IRS2: variants seen among roughly 807,000 people sequenced by gnomAD.
The protein encoded by IRS2 is insulin receptor substrate 2.
A neutral mutation model predicts 70.9 loss-of-function variants in IRS2; 28 were observed. The observed-to-expected ratio is 0.39, with a 90% CI of 0.29 to 0.54. IRS2 has a LOEUF of 0.54. Among genes scored for constraint, IRS2 ranks in the 20% least tolerant of loss-of-function variants. The pLI, the probability that IRS2 is intolerant of heterozygous loss-of-function variation, is 0.59. For synonymous variants in IRS2, 1,217 were observed against 981.9 expected, an observed-to-expected ratio of 1.24 and a Z score of -4.48; for missense variants, 2,081 against 2,024.1, an observed-to-expected ratio of 1.03 and a Z score of -0.54.
Position 109,782,949 on chromosome 13 carries a change from C to T in IRS2, c.3105G>A (p.Pro1035=), listed in dbSNP as rs1377446649. The change falls in exon 1 of 2, where the codon CCG becomes CCA. Residue 1035 remains proline (P), a synonymous_variant. Coordinates refer to ENST00000375856, the MANE Select transcript of IRS2 (RefSeq NM_003749.3). Reference sequence around the variant, plus strand: ...GGCGGTACAGCTCCCCCGGGGCCGGCGGCGGTGGCGGCGGCTGCAGAGACG... The same window carrying T: ...GGCGGTACAGCTCCCCCGGGGCCGGTGGCGGTGGCGGCGGCTGCAGAGACG... ...PSSSLQPPPP[P]PAPGELYRLP... 9.8e-6 allele frequency: 14 copies of T among 1,432,542 alleles called. No homozygotes were observed. The highest frequency in any genetic ancestry group is 5.6e-5 in the East Asian group (2 of 35,424). The allele number at this position is 1,432,542 out of a possible 1,614,324, so 88.7% of individuals were successfully genotyped here.
chr13:109,786,505 G>C lies in IRS2; in HGVS notation c.-452C>G, dbSNP rs1301215037. 2 of 153,942 alleles carry C rather than the reference G, an allele frequency of 1.3e-5. No homozygotes were observed. The highest frequency in any genetic ancestry group is 4.9e-5 in the African/African-American group (2 of 41,058). 9.5% of individuals were successfully genotyped at this position (153,942 alleles called of 1,614,324 possible). ...CGGGGTCCGCGCCGCCGCCGGGGCT[G>C]CTGCTGCTGCTGGTGTTGCTGCTGC... is the stretch of plus-strand genomic sequence containing the variant. On this transcript the variant is annotated 5_prime_UTR_variant, in exon 1 of 2. Coordinates refer to ENST00000375856, the MANE Select transcript of IRS2 (RefSeq NM_003749.3). The surrounding 1 kb of genome is among the most constrained non-coding windows in gnomAD (Gnocchi z 4.4).
At chr13:109,772,759 G>T (rs570421016) in intron 1 of IRS2, among the ~76,000 whole-genome samples, 1 of 149,950 alleles carries the variant, frequency 6.7e-6, no homozygotes, top group East Asian at 2.0e-4. Context: ...GCAGTGGCGC[G>T]ATCTCGGCTC....
At chr13:109,764,792 C>T (rs1594380899) in intron 1 of IRS2, among the ~76,000 whole-genome samples, 1 of 152,264 alleles carries the variant, frequency 6.6e-6, no homozygotes, top group South Asian at 2.1e-4. Context: ...ACCACAACTG[C>T]AAGCAGCAAA....
chr13:109,772,056 C>T (rs1877463030), intron 1 of IRS2, among the ~76,000 whole-genome samples: 1 of 152,354 alleles, frequency 6.6e-6, no homozygotes, highest in East Asian at 1.9e-4. Context: ...ATGGGAAGTC[C>T]CGAACAAAGA....
In IRS2 at chr13:109,784,039, C is replaced by A. The variant is rs1305450960; in HGVS notation, c.2015G>T (p.Ser672Ile). The A allele has an allele frequency of 6.5e-7, 1 of 1,543,792 alleles. No homozygotes were observed. Among genetic ancestry groups the A allele is most frequent in the Admixed American group, 1.9e-5 (1 of 51,634 alleles). Residue 672 changes from serine to isoleucine, a missense_variant, in exon 1 of 2, where the codon AGC (serine) becomes ATC (isoleucine). This residue lies in a region of IRS2 where 1,615 missense variants were observed against 1,459.5 expected (regional missense o/e 1.11). Coordinates refer to ENST00000375856, the MANE Select transcript of IRS2 (RefSeq NM_003749.3). The surrounding 1 kb of genome is among the most constrained non-coding windows in gnomAD (Gnocchi z 5.2). ...GGGGCTCATGGGCATGTAGTCGTCG[C>A]TCCTGCAGCTGCCGCTCCCACTGCC... ...LAGSGSGSCR[S>I]DDYMPMSPAS...
chr13:109,763,620 C>G (rs1877274149), intron 1 of IRS2, among the ~76,000 whole-genome samples: 1 of 152,152 alleles, frequency 6.6e-6, no homozygotes, highest in Non-Finnish European at 1.5e-5. Context: ...TGCTTCTGCC[C>G]TAAGAGTATT....
At position 109,784,804 on chromosome 13, in the gene IRS2, G is replaced by A. The variant is rs1405112911; in HGVS notation, c.1250C>T (p.Ala417Val). 2.4e-6 allele frequency: 3 copies of A among 1,273,684 alleles called. No individual in the cohort carries two copies. Among genetic ancestry groups the A allele is most frequent in the African/African-American group, 1.6e-5 (1 of 63,672 alleles). The allele number at this position is 1,273,684 out of a possible 1,614,324, so 78.9% of individuals were successfully genotyped here. Reference sequence around the variant, plus strand: ...CAGCGCGCCCCCTGCCGGCAGCAGCGCCACCTTGCTCCCGCGGCCGCCGCA... The same window carrying A: ...CAGCGCGCCCCCTGCCGGCAGCAGCACCACCTTGCTCCCGCGGCCGCCGCA... ...GGCGGRGSKV[A>V]LLPAGGALQH... The change falls in exon 1 of 2, where the codon GCG (alanine) becomes GTG (valine). Residue 417 changes from alanine (A) to valine (V), a missense_variant. Around this residue, in one of 4 missense-constraint regions of IRS2, gnomAD observed 1,615 missense variants for 1,459.5 expected, o/e 1.11. Coordinates refer to ENST00000375856, the MANE Select transcript of IRS2 (RefSeq NM_003749.3). The surrounding 1 kb of genome is among the most constrained non-coding windows in gnomAD (Gnocchi z 5.2).
At position 109,783,093 on chromosome 13, in the gene IRS2, C is replaced by G. The variant is rs866925320; in HGVS notation, c.2961G>C (p.Lys987Asn). The change falls in exon 1 of 2, where the codon AAG (lysine) becomes AAC (asparagine). Residue 987 changes from lysine (K) to asparagine (N), a missense_variant. Transcript: ENST00000375856. ...DYMNLDFSSPKSPKPGAPSGH... is the reference protein window; with the variant it reads ...DYMNLDFSSPNSPKPGAPSGH... ...CGCTCGGGGCGCCCGGCTTAGGAGACTTGGGGGAGCTGAAGTCGAGGTTCA... is the reference window on the plus strand; with the variant it reads ...CGCTCGGGGCGCCCGGCTTAGGAGAGTTGGGGGAGCTGAAGTCGAGGTTCA... 7.2e-7 allele frequency: 1 copy of G among 1,391,536 alleles called. No homozygotes were observed. 86.2% of individuals were successfully genotyped at this position (1,391,536 alleles called of 1,614,324 possible). A position where few individuals can be genotyped will look rare whatever the true frequency, so the allele number is the denominator to read the frequency against.
At chr13:109,770,661 T>C (rs1194999215) in intron 1 of IRS2, among the ~76,000 whole-genome samples, 1 of 152,104 alleles carries the variant, frequency 6.6e-6, no homozygotes, top group Non-Finnish European at 1.5e-5. Context: ...TGGACACTTA[T>C]GAAAAGGATC....
rs79185163 is a variant in IRS2 at position 109,768,951 on chromosome 13, A to G, written c.4013-12643T>C. Reference sequence around the variant, plus strand: ...CCTACGCATAGGTTATTGGGATTCAATACCATTTTTAAATGTCTTATGAAT... The same window carrying G: ...CCTACGCATAGGTTATTGGGATTCAGTACCATTTTTAAATGTCTTATGAAT... On this transcript the variant is annotated intron_variant, in intron 1 of 1. Coordinates refer to ENST00000375856, the MANE Select transcript of IRS2 (RefSeq NM_003749.3). Among the ~76,000 whole-genome samples the G allele has an allele frequency of 6.8e-3, 1,030 of 152,350 alleles. 7 individuals carry two copies. The highest frequency in any genetic ancestry group is 0.023 in the African/African-American group (955 of 41,576).
Position 109,785,701 on chromosome 13 carries a change from T to C in IRS2, c.353A>G (p.Lys118Arg), listed in dbSNP as rs1374773588. The C allele has an allele frequency of 1.7e-5, 27 of 1,600,480 alleles. No homozygotes were observed. Among genetic ancestry groups the C allele is most frequent in the Non-Finnish European group, 2.1e-5 (25 of 1,177,526 alleles). Residue 118 changes from lysine to arginine, a missense_variant, in exon 1 of 2, where the codon AAG becomes AGG. Physicochemically the swap from Lys to Arg is conservative, Grantham distance 26. Coordinates refer to ENST00000375856, the MANE Select transcript of IRS2 (RefSeq NM_003749.3). The surrounding 1 kb of genome is among the most constrained non-coding windows in gnomAD (Gnocchi z 9.3). ...KHKYLIALYT[K>R]DEYFAVAAEN... Reference sequence around the variant, plus strand: ...GGCGGCCACGGCGAAGTACTCGTCCTTGGTGTAGAGGGCGATCAGGTACTT... The same window carrying C: ...GGCGGCCACGGCGAAGTACTCGTCCCTGGTGTAGAGGGCGATCAGGTACTT...
chr13:109,756,279 C>A lies in IRS2; in HGVS notation c.*25G>T, dbSNP rs1246694091. The A allele has an allele frequency of 2.5e-6, 4 of 1,596,324 alleles. No individual in the cohort carries two copies. The highest frequency in any genetic ancestry group is 3.4e-6 in the Non-Finnish European group (4 of 1,163,956). On this transcript the variant is annotated 3_prime_UTR_variant, in exon 2 of 2. Coordinates refer to ENST00000375856, the MANE Select transcript of IRS2 (RefSeq NM_003749.3). Reference sequence around the variant, plus strand: ...AATGATACTCTCTGACATGTGACATCCTGGTGATAAAGCCAGACAGATCTT... The same window carrying A: ...AATGATACTCTCTGACATGTGACATACTGGTGATAAAGCCAGACAGATCTT...
intron 1 of IRS2, among the ~76,000 whole-genome samples, chr13:109,766,761 C>A (rs9559644): frequency 3.6e-4 from 19 of 52,204 alleles, no homozygotes; most frequent in African/African-American, 8.9e-4. Flanking sequence ...CTCATCCACC[C>A]TGACTCCAAC....
Position 109,786,119 on chromosome 13 carries a change from G to C in IRS2, c.-66C>G. 1.1e-6 allele frequency: 1 copy of C among 919,398 alleles called. No homozygotes were observed. Among genetic ancestry groups the C allele is most frequent in the Non-Finnish European group, 1.3e-6 (1 of 771,854 alleles). 57.0% of individuals were successfully genotyped at this position (919,398 alleles called of 1,614,324 possible). On this transcript the variant is annotated 5_prime_UTR_variant, in exon 1 of 2. Coordinates refer to ENST00000375856, the MANE Select transcript of IRS2 (RefSeq NM_003749.3). The surrounding 1 kb of genome is among the most constrained non-coding windows in gnomAD (Gnocchi z 4.4). ...GGGGTTGGGGCGAGGGGCGGAGGGG[G>C]CGCGGGCGGGGGCGGCTCCCTCCCA...
At chr13:109,778,807 T>C (rs1877635082) in intron 1 of IRS2, among the ~76,000 whole-genome samples, 1 of 152,210 alleles carries the variant, frequency 6.6e-6, no homozygotes, top group Non-Finnish European at 1.5e-5. Context: ...AATTTTAGAA[T>C]AAAATCCCTA....
chr13:109,770,409 A>G (rs999327338), intron 1 of IRS2, among the ~76,000 whole-genome samples: 2 of 152,206 alleles, frequency 1.3e-5, no homozygotes, highest in Non-Finnish European at 2.9e-5. Flanking sequence ...GCAAGCTGAC[A>G]TCTAGGAATC....
Position 109,782,224 on chromosome 13 carries a change from TGAG to T in IRS2, c.3827_3829del (p.Pro1276del). The T allele has an allele frequency of 6.2e-7, 1 of 1,607,810 alleles. No homozygotes were observed. ...GCCCCAGGAGCTCTTGTCTCCCGGC[TGAG>T]GAAGCGGCGGCGGCGGCGGCTGCGG... On this transcript the variant is annotated inframe_deletion, in exon 1 of 2. Transcript: ENST00000375856.
At chr13:109,772,688 ATT>A (rs34886741) in intron 1 of IRS2, among the ~76,000 whole-genome samples, 36 of 130,846 alleles carry the variant, frequency 2.8e-4, no homozygotes, top group Middle Eastern at 4.2e-3. Context: ...TGCCTATTAC[ATT>A]TTTTTTTTTT....
intron 1 of IRS2, among the ~76,000 whole-genome samples, chr13:109,763,559 C>A (rs1418221202): frequency 6.6e-6 from 1 of 152,160 alleles, no homozygotes; most frequent in Non-Finnish European, 1.5e-5. Flanking sequence ...CATTAAGGGT[C>A]CAAATCTTTT....
Sources: gnomAD v4.1 joint callset for allele counts (sites outside exome capture counted in the v4.1 genomes callset) on GRCh38, gnomAD v4.1.1 for gene constraint, gnomAD v4.1.1 regional missense constraint, Gnocchi (gnomAD v3.1) non-coding constraint, MANE v1.5 for transcripts, NCBI Gene and HGNC (gene_info 2026-07-23, HGNC 2026-07-21) for gene names.